Variants in TAB2 observed in about 807,000 individuals in gnomAD.
TAB2 encodes the protein TGF-beta-activated kinase 1 and MAP3K7-binding protein 2.
A neutral mutation model predicts 65.0 loss-of-function variants in TAB2; 3 were observed. That is an observed-to-expected ratio of 0.05 (90% CI 0.02 to 0.12). TAB2 has a LOEUF of 0.12. TAB2 is among the 10% of genes least tolerant of loss of function. The pLI, the probability that TAB2 is intolerant of heterozygous loss-of-function variation, is 1.00. For missense variants in TAB2, 623 were observed against 840.3 expected (o/e 0.74, Z 3.20); for synonymous variants, 298 against 285.1 (o/e 1.05, Z -0.46).
At chr6:149,317,188 C>A (rs1313309426), upstream of TAB2, among the ~76,000 whole-genome samples, 2 of 152,074 alleles carry the variant, frequency 1.3e-5, no homozygotes, top group African/African-American at 4.8e-5. This position sits in a 1 kb window ranked among gnomAD's most constrained non-coding sequence, Gnocchi z 4.7. Context: ...AAACTGCTAG[C>A]GGCCCCCGTG....
intron 1 of TAB2, among the ~76,000 whole-genome samples, chr6:149,218,985 A>C (rs1777082078): frequency 6.6e-6 from 1 of 152,230 alleles, no homozygotes; most frequent in Non-Finnish European, 1.5e-5. Flanking sequence ...GATTTAGAAA[A>C]GAAAGAGCTG....
At chr6:149,339,999 A>G (rs928266543) in intron 1 of TAB2, among the ~76,000 whole-genome samples, 17 of 152,112 alleles carry the variant, frequency 1.1e-4, no homozygotes. Context: ...TTTGTGTTAA[A>G]CTTTTATTCA....
intron 1 of TAB2, among the ~76,000 whole-genome samples, chr6:149,278,519 T>C (rs556697259): frequency 9.2e-5 from 14 of 152,246 alleles, no homozygotes; most frequent in Admixed American, 8.5e-4. Context: ...CTCATCCAGT[T>C]GAGAGGGATC....
At chr6:149,232,727 C>T (rs1273941615) in intron 1 of TAB2, among the ~76,000 whole-genome samples, 1 of 152,142 alleles carries the variant, frequency 6.6e-6, no homozygotes, top group African/African-American at 2.4e-5. Context: ...GTGTTTATTG[C>T]CTTCTATTAG....
rs747751809 is a variant in TAB2, at chr6:149,218,826, T to C, written c.-121+50T>C. ...TCTGGAGAAAGGATCTTCTGTGATC[T>C]TGTGTCTGAAGTCTGTTTGAACTTC... On this transcript the variant is annotated intron_variant, in intron 1 of 1. Coordinates refer to the TAB2 transcript ENST00000606202. 1.3e-4 allele frequency: 59 copies of C among 454,762 alleles called. 1 individual carries two copies. Among genetic ancestry groups the C allele is most frequent in the South Asian group, 7.5e-4 (48 of 64,364 alleles). The allele number at this position is 454,762 out of a possible 1,614,324, so 28.2% of individuals were successfully genotyped here.
chr6:149,403,287 CACACACACAT>C lies in TAB2; in HGVS notation c.1939+4105_1939+4114del, dbSNP rs1315947795. On this transcript the variant is annotated intron_variant, in intron 6 of 6. Coordinates refer to ENST00000637181, the MANE Select transcript of TAB2 (RefSeq NM_001292034.3). ...ATATATATATATATATATATATACA[CACACACACAT>C]ATATATATATATATATACACACACA... Among the ~76,000 whole-genome samples the C allele has an allele frequency of 3.3e-3, 96 of 28,992 alleles. 9 individuals carry two copies. Among genetic ancestry groups the C allele is most frequent in the African/African-American group, 9.8e-3 (54 of 5,492 alleles). 19.0% of individuals were successfully genotyped at this position (28,992 alleles called of 152,430 possible).
chr6:149,237,691 T>C (rs1420846217), intron 1 of TAB2, among the ~76,000 whole-genome samples: 2 of 152,126 alleles, frequency 1.3e-5, no homozygotes, highest in Admixed American at 6.5e-5. Flanking sequence ...TCACCTCTCC[T>C]GGAACACCCC....
intron 3 of TAB2, among the ~76,000 whole-genome samples, chr6:149,389,933 A>G (rs762380541): frequency 7.9e-5 from 12 of 152,234 alleles, no homozygotes; most frequent in Non-Finnish European, 1.6e-4. Flanking sequence ...AAAAATAATT[A>G]CAGAGATTAA....
rs747618148 is a variant in TAB2, at chr6:149,411,567, CAG to C, written c.*1850_*1851del. ...TTAGCTGGGTAAACTATCTTTGTAA[CAG>C]ATAAGTTATTTATAAAAATTAAAAA... is the stretch of plus-strand genomic sequence containing the variant. On this transcript the variant is annotated 3_prime_UTR_variant, in exon 7 of 7. Transcript: ENST00000637181. 1.3e-5 allele frequency: 2 copies of C among 153,370 alleles called. No individual in the cohort carries two copies. Among genetic ancestry groups the C allele is most frequent in the African/African-American group, 2.4e-5 (1 of 41,426 alleles). 9.5% of individuals were successfully genotyped at this position (153,370 alleles called of 1,614,324 possible). A position where few individuals can be genotyped will look rare whatever the true frequency, so the allele number is the denominator to read the frequency against.
intron 1 of TAB2, among the ~76,000 whole-genome samples, chr6:149,306,838 GA>G (rs1779081065): frequency 6.6e-6 from 1 of 152,160 alleles, no homozygotes; most frequent in Admixed American, 6.5e-5. Flanking sequence ...TGGGGAGAGG[GA>G]AACTGCATGT....
rs552858219 is a variant in TAB2, at chr6:149,242,805, G to T, written c.-121+24029G>T. Among the ~76,000 whole-genome samples the T allele has an allele frequency of 2.6e-5, 4 of 152,282 alleles. No homozygotes were observed. The South Asian group carries it at 8.3e-4, about 32-fold the overall frequency. On this transcript the variant is annotated intron_variant, in intron 1 of 1. Transcript: ENST00000606202. ...CAGTTAGACTCATCCCCAAAGAAAG[G>T]CATCAAATCCCCATGATGCCCAGCC...
At chr6:149,245,943 A>G (rs1316062944) in intron 1 of TAB2, among the ~76,000 whole-genome samples, 1 of 150,912 alleles carries the variant, frequency 6.6e-6, no homozygotes, top group Non-Finnish European at 1.5e-5. Context: ...TTTTTTTTTG[A>G]CAGAGTCTTG....
chr6:149,353,626 G>A (rs751836733), intron 1 of TAB2, among the ~76,000 whole-genome samples: 1 of 152,190 alleles, frequency 6.6e-6, no homozygotes, highest in Non-Finnish European at 1.5e-5. Context: ...CCTTGACATT[G>A]TGAATATAAA....
rs772511992 is a variant in TAB2, at chr6:149,379,426, A to G, written c.1511A>G (p.Gln504Arg). 1.1e-5 allele frequency: 17 copies of G among 1,614,032 alleles called. No homozygotes were observed. The highest frequency in any genetic ancestry group is 1.3e-5 in the Non-Finnish European group (15 of 1,180,010). ...PDHYVETENI[Q>R]HLTDPTLAHV... ...CATTATGTAGAAACCGAGAATATTC[A>G]GCACCTCACGGACCCTACATTAGCA... Residue 504 changes from glutamine to arginine, a missense_variant, in exon 3 of 7, where the codon CAG (glutamine) becomes CGG (arginine). Around this residue, in one of 3 missense-constraint regions of TAB2, gnomAD observed 550 missense variants for 665.7 expected, o/e 0.83. Transcript: ENST00000637181.
At position 149,381,729 on chromosome 6, in the gene TAB2, C is replaced by T. The variant is rs144399094; in HGVS notation, c.1603+2211C>T. Among the ~76,000 whole-genome samples, 71 of 152,052 alleles carry T rather than the reference C, an allele frequency of 4.7e-4. No individual in the cohort carries two copies. The East Asian group carries it at 0.013, about 28-fold the overall frequency. On this transcript the variant is annotated intron_variant, in intron 3 of 6. Coordinates refer to ENST00000637181, the MANE Select transcript of TAB2 (RefSeq NM_001292034.3). ...GCTGGACTACAGGTACACACCACCA[C>T]ATCCAGCTAACTTTTTGTATTTTTT... is the stretch of plus-strand genomic sequence containing the variant.
At position 149,228,739 on chromosome 6, in the gene TAB2, AC is replaced by A. The variant is rs550033779; in HGVS notation, c.-121+9966del. ...CTTTGTCAAAGCTCTCTCTAAATCA[AC>A]CCTTTAAATGTGTTCGGTTTAAGAG... On this transcript the variant is annotated intron_variant, in intron 1 of 1. Coordinates refer to the TAB2 transcript ENST00000606202. Among the ~76,000 whole-genome samples the A allele has an allele frequency of 5.3e-5, 8 of 152,282 alleles. No homozygotes were observed. In the South Asian group the frequency reaches 1.7e-3, roughly 32 times the overall value.
intron 6 of TAB2, among the ~76,000 whole-genome samples, chr6:149,408,850 A>G (rs1189844891): frequency 6.6e-6 from 1 of 152,164 alleles, no homozygotes; most frequent in East Asian, 1.9e-4. Flanking sequence ...CCTTTATTTT[A>G]TAAGTAAGAA....
chr6:149,257,177 C>T (rs937424858), intron 1 of TAB2, among the ~76,000 whole-genome samples: 6 of 152,184 alleles, frequency 3.9e-5, no homozygotes, highest in African/African-American at 1.4e-4. Context: ...GTGAGGTTCA[C>T]ATCTTACAAC....
intron 1 of TAB2, among the ~76,000 whole-genome samples, chr6:149,264,585 G>A (rs9390669): frequency 0.47 from 71,954 of 151,962 alleles, 17,527 homozygotes; most frequent in East Asian, 0.69. Flanking sequence ...CGAGTACAGT[G>A]CGTTTTAAAA....
Sources: gnomAD v4.1 joint callset for allele counts (sites outside exome capture counted in the v4.1 genomes callset) on GRCh38, gnomAD v4.1.1 for gene constraint, gnomAD v4.1.1 regional missense constraint, Gnocchi (gnomAD v3.1) non-coding constraint, MANE v1.5 for transcripts, NCBI Gene and HGNC (gene_info 2026-07-23, HGNC 2026-07-21) for gene names.